The following SMARCC2 variants were observed in gnomAD, a reference collection of about 807,000 sequenced individuals.
SMARCC2 encodes SWI/SNF complex subunit SMARCC2.
A neutral mutation model predicts 151.3 loss-of-function variants in SMARCC2; 15 were observed. That is an observed-to-expected ratio of 0.10 (90% CI 0.07 to 0.15). The LOEUF (loss-of-function observed/expected upper bound fraction) is 0.15. Ranked by LOEUF, SMARCC2 falls within the 10% of genes least tolerant of loss-of-function variation. The pLI is 1.00. For synonymous variants in SMARCC2, 590 were observed against 609.5 expected, an observed-to-expected ratio of 0.97 and a Z score of 0.47; for missense variants, 1,031 against 1,599.7, an observed-to-expected ratio of 0.64 and a Z score of 6.06.
chr12:56,183,802 T>A (rs1876717154), intron 7 of SMARCC2, 59 bp downstream of exon 7: 2 of 1,177,166 alleles, frequency 1.7e-6, no homozygotes, highest in Admixed American at 3.8e-5. Flanking sequence ...CTGCTAGATG[T>A]CCTAGGGCTT....
intron 26 of SMARCC2, among the ~76,000 whole-genome samples, chr12:56,167,500 G>T (rs866520375): frequency 4.6e-5 from 7 of 152,188 alleles, no homozygotes; most frequent in Admixed American, 3.3e-4. Flanking sequence ...ACTGTGCCCA[G>T]TCCCTATTGT....
rs781121717 is a variant in SMARCC2, at chr12:56,163,032, A to AT, written c.*656dup. On this transcript the variant is annotated 3_prime_UTR_variant, in exon 29 of 29. Transcript: ENST00000550164. ...ACTGACATTCAGAGGGAAAGGAATC[A>AT]TTGGCTGAGCTGGGGTGGCCTAAAA... 9 of 152,256 alleles carry AT rather than the reference A, an allele frequency of 5.9e-5. No homozygotes were observed. Among genetic ancestry groups the AT allele is most frequent in the Non-Finnish European group, 8.8e-5 (6 of 68,062 alleles). The allele number at this position is 152,256 out of a possible 1,614,324, so 9.4% of individuals were successfully genotyped here. A position where few individuals can be genotyped will look rare whatever the true frequency, so the allele number is the denominator to read the frequency against.
At chr12:56,178,377 T>G in intron 14 of SMARCC2, 27 bp downstream of exon 14, 1 of 1,613,804 alleles carries the variant, frequency 6.2e-7, no homozygotes, top group East Asian at 2.2e-5. Context: ...AAATAAGGAC[T>G]CAGTGAGAAG....
At chr12:56,176,612 G>C (rs1263514295) in intron 15 of SMARCC2, among the ~76,000 whole-genome samples, 2 of 150,604 alleles carry the variant, frequency 1.3e-5, no homozygotes, top group Non-Finnish European at 2.9e-5. Flanking sequence ...CAAGTAGCTG[G>C]AACTACAGGC....
intron 2 of SMARCC2, 50 bp downstream of exon 2, chr12:56,187,137 A>G: frequency 6.5e-7 from 1 of 1,549,466 alleles, no homozygotes; most frequent in Non-Finnish European, 8.8e-7. Context: ...CTTCAGTTTG[A>G]AGGATTCACC....
At chr12:56,170,044 T>G (rs577269862) in intron 23 of SMARCC2, 100 bp downstream of exon 23, 1 of 1,437,206 alleles carries the variant, frequency 7.0e-7, no homozygotes, top group African/African-American at 1.4e-5. Flanking sequence ...GACAACCCCG[T>G]CCAAAACCAG....
chr12:56,166,746 C>T (rs1005396784), intron 26 of SMARCC2, among the ~76,000 whole-genome samples: 2 of 151,976 alleles, frequency 1.3e-5, no homozygotes, highest in Non-Finnish European at 2.9e-5. Context: ...CGCACCACCA[C>T]GCCCGGCTAA....
At position 56,165,451 on chromosome 12, in the gene SMARCC2, G is replaced by A. The variant is rs1157179797; in HGVS notation, c.3099C>T (p.Ala1033=). The change falls in exon 27 of 29, where the codon GCC becomes GCT. Residue 1033 remains alanine, a synonymous_variant. Transcript: ENST00000550164. ...SVVPAPAGSG[A]PPGSLGPSEQ... Reference sequence around the variant, plus strand: ...CAGAAGGGCCCAAACTTCCTGGAGGGGCCCCACTGCCAGCAGGAGCAGGGA... The same window carrying A: ...CAGAAGGGCCCAAACTTCCTGGAGGAGCCCCACTGCCAGCAGGAGCAGGGA... The A allele has an allele frequency of 1.3e-6, 2 of 1,536,514 alleles. No homozygotes were observed. The highest frequency in any genetic ancestry group is 1.3e-5 in the South Asian group (1 of 78,846).
chr12:56,188,104 T>C (rs762345393), intron 1 of SMARCC2, among the ~76,000 whole-genome samples: 5 of 152,138 alleles, frequency 3.3e-5, no homozygotes, highest in African/African-American at 9.7e-5. Flanking sequence ...TGAAAAGAGA[T>C]AGATCTGTGA....
chr12:56,181,512 G>T lies in SMARCC2; in HGVS notation c.926C>A (p.Pro309Gln). 6.4e-7 allele frequency: 1 copy of T among 1,557,508 alleles called. No individual in the cohort carries two copies. The highest frequency in any genetic ancestry group is 8.6e-7 in the Non-Finnish European group (1 of 1,156,894). ...CTTAGCATTTTTCTTCTTTGCTTCT[G>T]GGGTTGGTGAAGGAGAGGGGGAGCG... ...RKRSPSPSPT[P>Q]EAKKKNAKKG... Residue 309 changes from proline to glutamine, a missense_variant, in exon 10 of 29, where the codon CCA becomes CAA. Physicochemically the swap from Pro to Gln is moderately conservative, Grantham distance 76. Around this residue, in one of 12 missense-constraint regions of SMARCC2, gnomAD observed 127 missense variants for 141.7 expected, o/e 0.90. Transcript: ENST00000550164.
At chr12:56,183,762 A>G in intron 7 of SMARCC2, 99 bp downstream of exon 7, 2 of 752,554 alleles carry the variant, frequency 2.7e-6, no homozygotes, top group Middle Eastern at 6.0e-4. Context: ...AAGTGATCTA[A>G]AAATAACTCT....
In SMARCC2 at chr12:56,163,800, C is replaced by G. The variant is rs367890117; in HGVS notation, c.3662-35G>C. On this transcript the variant is annotated intron_variant, in intron 28 of 28. Coordinates refer to ENST00000550164, the MANE Select transcript of SMARCC2 (RefSeq NM_001330288.2). The stretch of plus-strand genomic sequence containing the variant: ...AAAGGAAGATAAATCAGTTAGAGTA[C>G]GCCGGAGAGATGGCTCCAGACCCAG... 5 of 1,407,562 alleles carry G rather than the reference C, an allele frequency of 3.6e-6. No homozygotes were observed. The African/African-American group carries it at 7.6e-5, about 21-fold the overall frequency. The allele number at this position is 1,407,562 out of a possible 1,614,324, so 87.2% of individuals were successfully genotyped here.
chr12:56,177,369 G>A (rs1023822656), intron 15 of SMARCC2, among the ~76,000 whole-genome samples: 12 of 152,112 alleles, frequency 7.9e-5, no homozygotes, highest in Non-Finnish European at 7.4e-5. Flanking sequence ...TTCAGCTTCC[G>A]AAGTAGCTGG....
At chr12:56,175,834 T>G (rs1053649344) in intron 15 of SMARCC2, among the ~76,000 whole-genome samples, 2 of 152,168 alleles carry the variant, frequency 1.3e-5, no homozygotes, top group African/African-American at 4.8e-5. Context: ...AAGCTCTCAA[T>G]AGATGCAGGC....
intron 28 of SMARCC2, 130 bp downstream of exon 28, chr12:56,164,173 T>C (rs1340472361): frequency 9.4e-6 from 8 of 849,432 alleles, no homozygotes; most frequent in Non-Finnish European, 1.3e-5. Flanking sequence ...TCCTGTATTC[T>C]AATTTTACCA....
intron 11 of SMARCC2, among the ~76,000 whole-genome samples, chr12:56,179,405 C>T: frequency 6.6e-6 from 1 of 152,124 alleles, no homozygotes; most frequent in Non-Finnish European, 1.5e-5. Flanking sequence ...TTTTTGAAAG[C>T]AGAGGATACT....
chr12:56,181,582 A>T lies in SMARCC2; in HGVS notation c.856T>A (p.Ser286Thr). 6.2e-7 allele frequency: 1 copy of T among 1,600,368 alleles called. No individual in the cohort carries two copies. Among genetic ancestry groups the T allele is most frequent in the Non-Finnish European group, 8.5e-7 (1 of 1,172,764 alleles). ...TLTDEVNSPDSDRRDKKGGNY... is the reference protein window; with the variant it reads ...TLTDEVNSPDTDRRDKKGGNY... ...CCCCCCTTCTTGTCCCGTCGATCTGAATCTGGGCTGTTCACCTATAGGATG... is the reference window on the plus strand; with the variant it reads ...CCCCCCTTCTTGTCCCGTCGATCTGTATCTGGGCTGTTCACCTATAGGATG... Residue 286 changes from serine to threonine, a missense_variant, in exon 10 of 29, where the codon TCA becomes ACA. Ser to Thr is a moderately conservative substitution (Grantham distance 58). Transcript: ENST00000550164.
intron 28 of SMARCC2, 104 bp downstream of exon 28, chr12:56,164,199 A>T (rs117484681): frequency 0.01 from 10,248 of 1,013,174 alleles, 74 homozygotes; most frequent in Non-Finnish European, 0.012. Context: ...TTCAAAAAGG[A>T]TTGTGGAAAC....
intron 2 of SMARCC2, chr12:56,186,919 T>C: frequency 3.7e-6 from 1 of 272,566 alleles, no homozygotes; most frequent in Non-Finnish European, 7.1e-6. Flanking sequence ...AAATCTCAAG[T>C]CCCCTTTTAA....
Sources: gnomAD v4.1 joint callset for allele counts (sites outside exome capture counted in the v4.1 genomes callset) on GRCh38, gnomAD v4.1.1 for gene constraint, gnomAD v4.1.1 regional missense constraint, MANE v1.5 for transcripts, NCBI Gene and HGNC (gene_info 2026-07-23, HGNC 2026-07-21) for gene names.